Variants in TMEM255B observed in about 807,000 individuals in gnomAD.
TMEM255B encodes family with sequence similarity 70, member B.
TMEM255B carries 35 observed loss-of-function variants against 34.5 expected under a neutral mutation model. The observed-to-expected ratio is 1.01, with a 90% CI of 0.77 to 1.34. TMEM255B has a LOEUF of 1.34. Among genes scored for constraint, TMEM255B ranks in the 40% most tolerant of loss-of-function variants. The pLI, the probability that TMEM255B is intolerant of heterozygous loss-of-function variation, is 0.00. For synonymous variants in TMEM255B, 206 were observed against 201.2 expected (o/e 1.02, Z -0.20); for missense variants, 432 against 433.2 (o/e 1.00, Z 0.02).
chr13:113,799,790 G>A (rs748579585), intron 5 of TMEM255B: 8 of 654,902 alleles, frequency 1.2e-5, no homozygotes, highest in East Asian at 3.2e-5. Context: ...CACCGACAGC[G>A]GCAGTGTGAC....
intron 2 of TMEM255B, among the ~76,000 whole-genome samples, chr13:113,768,702 G>A (rs2140805843): frequency 6.6e-6 from 1 of 152,352 alleles, no homozygotes; most frequent in Non-Finnish European, 1.5e-5. Flanking sequence ...CACGGCTGTA[G>A]TTCCCTAATA....
In TMEM255B at chr13:113,816,426, A is replaced by T. The variant is rs1038867389; in HGVS notation, c.*4523A>T. The T allele has an allele frequency of 4.5e-5, 7 of 154,820 alleles. No homozygotes were observed. Among genetic ancestry groups the T allele is most frequent in the Admixed American group, 2.0e-4 (3 of 15,282 alleles). The allele number at this position is 154,820 out of a possible 1,614,324, so 9.6% of individuals were successfully genotyped here. A position where few individuals can be genotyped will look rare whatever the true frequency, so the allele number is the denominator to read the frequency against. ...TGCTCTGCACTCATGAGGCGTGGCT[A>T]TTGCTGTGTGAATCACATCTCCATG... is the stretch of plus-strand genomic sequence containing the variant. On this transcript the variant is annotated 3_prime_UTR_variant, in exon 9 of 9. Transcript: ENST00000375353.
chr13:113,805,796 C>T (rs926951658), intron 8 of TMEM255B, among the ~76,000 whole-genome samples: 6 of 152,160 alleles, frequency 3.9e-5, no homozygotes, highest in Non-Finnish European at 8.8e-5. Context: ...TGCCGTGTGC[C>T]CCCGGGGACA....
chr13:113,805,218 C>A (rs547160984), intron 8 of TMEM255B, among the ~76,000 whole-genome samples, 190 bp downstream of exon 8: 7 of 152,174 alleles, frequency 4.6e-5, no homozygotes, highest in Non-Finnish European at 2.9e-5. Context: ...CCGGGGACCG[C>A]GCCAGGTGGC....
At chr13:113,774,830 C>T (rs1164018237) in intron 3 of TMEM255B, among the ~76,000 whole-genome samples, 5 of 151,296 alleles carry the variant, frequency 3.3e-5, no homozygotes, top group African/African-American at 1.2e-4. Context: ...CTACAACACA[C>T]ACGACACACA....
At position 113,816,537 on chromosome 13, in the gene TMEM255B, A is replaced by C. The variant is rs2051404452; in HGVS notation, c.*4634A>C. The C allele has an allele frequency of 6.6e-6, 1 of 152,530 alleles. No homozygotes were observed. The highest frequency in any genetic ancestry group is 1.5e-5 in the Non-Finnish European group (1 of 68,226). The allele number at this position is 152,530 out of a possible 1,614,324, so 9.4% of individuals were successfully genotyped here. A position where few individuals can be genotyped will look rare whatever the true frequency, so the allele number is the denominator to read the frequency against. ...ACTGGTGACTTGGACAGTGCTGGCC[A>C]CCGGCCCTGCTCAGTGAACAAGAGC... On this transcript the variant is annotated 3_prime_UTR_variant, in exon 9 of 9. Coordinates refer to ENST00000375353, the MANE Select transcript of TMEM255B (RefSeq NM_182614.4).
At chr13:113,793,559 A>G (rs2050868240) in intron 3 of TMEM255B, among the ~76,000 whole-genome samples, 1 of 152,222 alleles carries the variant, frequency 6.6e-6, no homozygotes, top group Admixed American at 6.5e-5. Flanking sequence ...CCAAGGACGC[A>G]CTGACTTCTG....
intron 4 of TMEM255B, among the ~76,000 whole-genome samples, chr13:113,798,597 T>C (rs1166588520): frequency 7.1e-6 from 1 of 140,152 alleles, no homozygotes; most frequent in Non-Finnish European, 1.5e-5. Flanking sequence ...TAATGGATGA[T>C]GGATGGATGG....
At chr13:113,775,672 A>C (rs1042292530) in intron 3 of TMEM255B, among the ~76,000 whole-genome samples, 53 of 152,166 alleles carry the variant, frequency 3.5e-4, no homozygotes, top group Admixed American at 1.6e-3. Context: ...CAGCGGGGGA[A>C]TAACTGAGGG....
Position 113,812,877 on chromosome 13 carries a change from C to CGGGTGGGTCACAGGTCCT in TMEM255B, c.*975_*976insGGTGGGTCACAGGTCCTG, listed in dbSNP as rs1566341463. The CGGGTGGGTCACAGGTCCT allele has an allele frequency of 8.8e-6, 1 of 113,136 alleles. No individual in the cohort carries two copies. Among genetic ancestry groups the CGGGTGGGTCACAGGTCCT allele is most frequent in the African/African-American group, 4.0e-5 (1 of 25,100 alleles). 7.0% of individuals were successfully genotyped at this position (113,136 alleles called of 1,614,324 possible). A position where few individuals can be genotyped will look rare whatever the true frequency, so the allele number is the denominator to read the frequency against. Reference sequence around the variant, plus strand: ...GGCATCCCGGGTGGGTCACAGGTCCCGAGTGGGTCACAGGCCCCGGGTGAG... The same window carrying CGGGTGGGTCACAGGTCCT: ...GGCATCCCGGGTGGGTCACAGGTCCCGGGTGGGTCACAGGTCCTGAGTGGGTCACAGGCCCCGGGTGAG... On this transcript the variant is annotated 3_prime_UTR_variant, in exon 9 of 9. Transcript: ENST00000375353.
At chr13:113,772,209 A>G (rs768321258) in intron 3 of TMEM255B, among the ~76,000 whole-genome samples, 8 of 152,224 alleles carry the variant, frequency 5.3e-5, no homozygotes, top group Admixed American at 3.9e-4. Context: ...CTGTTGAGTC[A>G]TCAGAGTCAT....
chr13:113,795,531 C>A (rs1472324142), intron 4 of TMEM255B, among the ~76,000 whole-genome samples: 1 of 140,434 alleles, frequency 7.1e-6, no homozygotes, highest in Non-Finnish European at 1.5e-5. Flanking sequence ...ACACACAGAG[C>A]ACACAGCACA....
intron 4 of TMEM255B, among the ~76,000 whole-genome samples, chr13:113,796,501 CCACACAGAGCACACAG>C (rs1378960152): frequency 1.4e-5 from 2 of 146,928 alleles, no homozygotes; most frequent in African/African-American, 2.5e-5. Flanking sequence ...ACTACACACA[CCACACAGAGCACACAG>C]CACACACACC....
chr13:113,796,303 CAG>C (rs1476450077), intron 4 of TMEM255B, among the ~76,000 whole-genome samples: 1 of 150,422 alleles, frequency 6.6e-6, no homozygotes, highest in Non-Finnish European at 1.5e-5. Flanking sequence ...ACACACCACA[CAG>C]AGTACACACC....
At chr13:113,809,517 G>T (rs2051260041) in intron 8 of TMEM255B, among the ~76,000 whole-genome samples, 1 of 79,932 alleles carries the variant, frequency 1.3e-5, no homozygotes. Context: ...GTTCCTGGGG[G>T]TTTACTCCAT....
chr13:113,811,759 G>A lies in TMEM255B; in HGVS notation c.837G>A (p.Ala279=), dbSNP rs775918292. ...AGCCCTGCAGCCGCTTCCCAGTTGC[G>A]CCCTCCTCTGCCCTGGCTTCGTCTG... ...PLQPCSRFPV[A]PSSALASSED... The change falls in exon 9 of 9, where the codon GCG becomes GCA. Residue 279 remains alanine, a synonymous_variant. Transcript: ENST00000375353. 14 of 1,613,660 alleles carry A rather than the reference G, an allele frequency of 8.7e-6. No homozygotes were observed. The highest frequency in any genetic ancestry group is 1.7e-4 in the Middle Eastern group (1 of 6,042).
chr13:113,809,364 G>A (rs1352468325), intron 8 of TMEM255B, among the ~76,000 whole-genome samples: 3 of 104,936 alleles, frequency 2.9e-5, no homozygotes, highest in Non-Finnish European at 5.6e-5. Flanking sequence ...TGGGGGGAGG[G>A]GTTACTCTGT....
chr13:113,784,132 G>C (rs1361552905), intron 3 of TMEM255B, among the ~76,000 whole-genome samples: 1 of 152,154 alleles, frequency 6.6e-6, no homozygotes, highest in Non-Finnish European at 1.5e-5. Flanking sequence ...AGCCAAGTTT[G>C]GTGAGGTTGT....
intron 5 of TMEM255B, 64 bp downstream of exon 5, chr13:113,799,483 T>G: frequency 1.4e-5 from 21 of 1,492,546 alleles, no homozygotes; most frequent in Non-Finnish European, 1.9e-5. Flanking sequence ...CCCACGCGGT[T>G]TTCCCTGCAC....
Sources: allele counts gnomAD v4.1 joint callset (sites outside exome capture counted in the v4.1 genomes callset), GRCh38; gene constraint gnomAD v4.1.1; transcripts MANE v1.5; gene names NCBI Gene and HGNC (gene_info 2026-07-23, HGNC 2026-07-21).